Variants in ANO2 observed in about 807,000 individuals in gnomAD.
ANO2 encodes anoctamin 2.
ANO2 carries 101 observed loss-of-function variants against 124.2 expected under a neutral mutation model. That is an observed-to-expected ratio of 0.81 (90% CI 0.69 to 0.96). The LOEUF is 0.96. ANO2 is among the 40% of genes least tolerant of loss of function. The pLI is 0.00. For missense variants in ANO2, 1,293 were observed against 1,274.5 expected, an observed-to-expected ratio of 1.01 and a Z score of -0.22; for synonymous variants, 486 against 482.5, an observed-to-expected ratio of 1.01 and a Z score of -0.09.
intron 10 of ANO2, among the ~76,000 whole-genome samples, chr12:5,765,447 A>C (rs907268643): frequency 2.6e-5 from 4 of 152,188 alleles, no homozygotes; most frequent in African/African-American, 7.2e-5. Flanking sequence ...TGAAAAAAAA[A>C]ATTGTATAAC....
intron 3 of ANO2, among the ~76,000 whole-genome samples, chr12:5,880,725 T>C (rs1938427842): frequency 6.6e-6 from 1 of 152,076 alleles, no homozygotes; most frequent in African/African-American, 2.4e-5. Flanking sequence ...GGAGTGTTCC[T>C]AGAATTTAGT....
chr12:5,845,509 G>A (rs1954653813), intron 4 of ANO2, among the ~76,000 whole-genome samples: 1 of 142,980 alleles, frequency 7.0e-6, no homozygotes, highest in South Asian at 2.2e-4. Context: ...GGAGCTTGCA[G>A]TGAGCCGAGA....
chr12:5,683,723 C>T (rs1202071076), intron 14 of ANO2, among the ~76,000 whole-genome samples: 1 of 151,862 alleles, frequency 6.6e-6, no homozygotes, highest in Non-Finnish European at 1.5e-5. Flanking sequence ...ACAGAGTCAC[C>T]AAAAAGTCAA....
In ANO2 at chr12:5,938,413, T is replaced by C. The variant is rs192813047; in HGVS notation, c.22+6783A>G. Among the ~76,000 whole-genome samples the C allele has an allele frequency of 7.2e-5, 11 of 152,372 alleles. 1 individual carries two copies. The highest frequency in any genetic ancestry group is 2.4e-4 in the African/African-American group (10 of 41,592). On this transcript the variant is annotated intron_variant, in intron 1 of 24. Coordinates refer to ENST00000682330, the MANE Select transcript of ANO2 (RefSeq NM_001364791.2). ...TACATATTTTTTTCCAGTATTATAA[T>C]TTATGACAGAATGTCTATCCCAGGA...
intron 14 of ANO2, among the ~76,000 whole-genome samples, chr12:5,722,364 G>A (rs982530016): frequency 1.3e-5 from 2 of 152,146 alleles, no homozygotes; most frequent in African/African-American, 4.8e-5. Flanking sequence ...AAAATTAGCC[G>A]GGCGCAGTGG....
At chr12:5,775,237 T>C (rs1304527103) in intron 10 of ANO2, among the ~76,000 whole-genome samples, 1 of 152,140 alleles carries the variant, frequency 6.6e-6, no homozygotes, top group Non-Finnish European at 1.5e-5. Context: ...CACTAGAATA[T>C]TACTAACGGA....
intron 10 of ANO2, among the ~76,000 whole-genome samples, chr12:5,766,359 T>G (rs1216249762): frequency 6.6e-6 from 1 of 152,160 alleles, no homozygotes; most frequent in Non-Finnish European, 1.5e-5. Context: ...CAATGGAATA[T>G]TATATAGCAA....
intron 14 of ANO2, among the ~76,000 whole-genome samples, chr12:5,694,829 C>T (rs1302265383): frequency 1.3e-5 from 2 of 151,942 alleles, no homozygotes; most frequent in African/African-American, 4.8e-5. Context: ...GGCCCTGGGT[C>T]AGAGATGGCC....
At chr12:5,615,963 G>A (rs1944784755) in intron 16 of ANO2, among the ~76,000 whole-genome samples, 1 of 151,978 alleles carries the variant, frequency 6.6e-6, no homozygotes, top group African/African-American at 2.4e-5. Context: ...ACGGGCCCTG[G>A]GTGTTCTATC....
At chr12:5,887,275 T>C (rs1938988805) in intron 3 of ANO2, among the ~76,000 whole-genome samples, 1 of 152,232 alleles carries the variant, frequency 6.6e-6, no homozygotes, top group African/African-American at 2.4e-5. Context: ...AATGTAATGA[T>C]GGGTTCACTG....
intron 3 of ANO2, among the ~76,000 whole-genome samples, chr12:5,884,772 C>G (rs898538415): frequency 1.3e-5 from 2 of 152,110 alleles, no homozygotes; most frequent in African/African-American, 4.8e-5. Context: ...GAAAATGGAC[C>G]AAACAAAAGT....
intron 20 of ANO2, among the ~76,000 whole-genome samples, chr12:5,583,585 G>A (rs1289525332): frequency 5.4e-5 from 8 of 148,586 alleles, no homozygotes; most frequent in Admixed American, 2.0e-4. Context: ...CCTGGGAGGC[G>A]GAGCTTGCAG....
intron 1 of ANO2, among the ~76,000 whole-genome samples, chr12:5,926,605 T>G (rs1447722914): frequency 6.6e-6 from 1 of 152,206 alleles, no homozygotes; most frequent in African/African-American, 2.4e-5. Flanking sequence ...CATCTAGTTG[T>G]GGGCCACCTA....
At chr12:5,746,455 T>C (rs1284143919) in intron 11 of ANO2, among the ~76,000 whole-genome samples, 1 of 152,158 alleles carries the variant, frequency 6.6e-6, no homozygotes, top group Non-Finnish European at 1.5e-5. Context: ...TGACTTTGTA[T>C]TTTGTGAGAG....
At chr12:5,628,341 G>A (rs1209205064) in intron 16 of ANO2, among the ~76,000 whole-genome samples, 1 of 152,202 alleles carries the variant, frequency 6.6e-6, no homozygotes, top group Non-Finnish European at 1.5e-5. Context: ...ATTCACATAT[G>A]TGAGTGCACT....
chr12:5,704,977 C>T (rs1432140631), intron 14 of ANO2, among the ~76,000 whole-genome samples: 1 of 151,908 alleles, frequency 6.6e-6, no homozygotes, highest in African/African-American at 2.4e-5. Flanking sequence ...GAAAATTGTA[C>T]CTTAGGGTCA....
At chr12:5,941,861 G>C (rs1219559311) in intron 1 of ANO2, among the ~76,000 whole-genome samples, 2 of 152,152 alleles carry the variant, frequency 1.3e-5, no homozygotes, top group Non-Finnish European at 2.9e-5. Flanking sequence ...TACCCAGAGG[G>C]CTGGGGCTGG....
At chr12:5,673,714 G>C (rs1948113952) in intron 14 of ANO2, among the ~76,000 whole-genome samples, 2 of 152,176 alleles carry the variant, frequency 1.3e-5, no homozygotes, top group African/African-American at 4.8e-5. Context: ...CCAGTCCCGT[G>C]ATGGTTTACT....
At chr12:5,674,901 T>G (rs1462306617) in intron 14 of ANO2, among the ~76,000 whole-genome samples, 1 of 152,166 alleles carries the variant, frequency 6.6e-6, no homozygotes, top group African/African-American at 2.4e-5. Flanking sequence ...TTTATCATCA[T>G]CATTACGGCT....
Sources: gnomAD v4.1 joint callset for allele counts (sites outside exome capture counted in the v4.1 genomes callset) on GRCh38, gnomAD v4.1.1 for gene constraint, MANE v1.5 for transcripts, NCBI Gene and HGNC (gene_info 2026-07-23, HGNC 2026-07-21) for gene names.